Variants in PTPRD observed in about 807,000 individuals in gnomAD.
PTPRD encodes protein tyrosine phosphatase receptor type D.
Under a neutral mutation model 214.5 loss-of-function variants are expected in PTPRD, and 34 were observed. The observed-to-expected ratio is 0.16, with a 90% CI of 0.12 to 0.21. The LOEUF is 0.21. Among genes scored for constraint, PTPRD ranks in the 10% least tolerant of loss-of-function variants. The pLI, the probability that PTPRD is intolerant of heterozygous loss-of-function variation, is 1.00. For missense variants in PTPRD, 2,545 were observed against 2,398.7 expected (o/e 1.06, Z -1.27); for synonymous variants, 1,128 against 845.7 (o/e 1.33, Z -5.79).
intron 2 of PTPRD, among the ~76,000 whole-genome samples, chr9:10,566,679 T>C (rs1249148512): frequency 1.3e-5 from 2 of 152,048 alleles, no homozygotes; most frequent in African/African-American, 2.4e-5. Context: ...CAGAAGTTCT[T>C]AGTTTTAATG....
At chr9:10,301,934 C>G (rs555507726) in intron 3 of PTPRD, among the ~76,000 whole-genome samples, 43 of 152,126 alleles carry the variant, frequency 2.8e-4, no homozygotes, top group Non-Finnish European at 6.0e-4. Flanking sequence ...CACAAAGATA[C>G]TCCTTGAGAA....
rs553300556 is a variant in PTPRD, at chr9:9,208,984, G to A, written c.-202-25621C>T. On this transcript the variant is annotated intron_variant, in intron 9 of 45. Coordinates refer to ENST00000381196, the MANE Select transcript of PTPRD (RefSeq NM_002839.4). ...CAATATGCCTGGCTAATTTTTTTGT[G>A]CTTTTAGTAGAGACAGGGTTTCACC... 6.0e-3 allele frequency among the ~76,000 whole-genome samples: 906 copies of A among 151,700 alleles called. 7 individuals carry two copies. Among genetic ancestry groups the A allele is most frequent in the Middle Eastern group, 0.01 (3 of 294 alleles).
intron 39 of PTPRD, among the ~76,000 whole-genome samples, chr9:8,351,985 G>A (rs1459529508): frequency 1.3e-5 from 2 of 151,542 alleles, no homozygotes; most frequent in Admixed American, 6.6e-5. Flanking sequence ...TATCCCTTTG[G>A]GTGTTTTATT....
At chr9:8,999,290 G>A (rs1165097401) in intron 11 of PTPRD, among the ~76,000 whole-genome samples, 2 of 151,980 alleles carry the variant, frequency 1.3e-5, no homozygotes, top group African/African-American at 2.4e-5. Flanking sequence ...CTTCACCGTT[G>A]TCTTGTTTTA....
intron 35 of PTPRD, among the ~76,000 whole-genome samples, chr9:8,426,017 T>C (rs75318741): frequency 0.012 from 1,817 of 152,272 alleles, 43 homozygotes; most frequent in African/African-American, 0.042. Context: ...ATTGCTTTCA[T>C]AGAGCTCCTT....
chr9:10,022,562 T>C (rs1192769349), intron 4 of PTPRD, among the ~76,000 whole-genome samples: 3 of 152,170 alleles, frequency 2.0e-5, no homozygotes, highest in African/African-American at 7.2e-5. Flanking sequence ...AGCAAGTAAC[T>C]GGAAAGAAAA....
At chr9:9,809,300 C>G (rs1388828330) in intron 5 of PTPRD, among the ~76,000 whole-genome samples, 1 of 142,372 alleles carries the variant, frequency 7.0e-6, no homozygotes, top group Non-Finnish European at 1.5e-5. Flanking sequence ...CGCAGTCTCA[C>G]TCTGTCTCCC....
intron 11 of PTPRD, among the ~76,000 whole-genome samples, chr9:8,963,235 G>T (rs1045439804): frequency 4.6e-5 from 7 of 152,092 alleles, no homozygotes; most frequent in African/African-American, 1.7e-4. Context: ...GAGAAGCAAG[G>T]AAATGATTAT....
intron 5 of PTPRD, among the ~76,000 whole-genome samples, chr9:9,856,257 G>A (rs1329802909): frequency 6.6e-6 from 1 of 152,118 alleles, no homozygotes; most frequent in African/African-American, 2.4e-5. Context: ...TGAGCTTAGG[G>A]TCTTTATAGG....
intron 2 of PTPRD, among the ~76,000 whole-genome samples, chr9:10,427,916 A>G (rs1266504452): frequency 1.3e-5 from 2 of 152,136 alleles, no homozygotes; most frequent in Non-Finnish European, 2.9e-5. Flanking sequence ...TAACTTAAGC[A>G]TATTCTTTCA....
At chr9:8,929,498 T>A (rs1390525222) in intron 11 of PTPRD, among the ~76,000 whole-genome samples, 3 of 151,948 alleles carry the variant, frequency 2.0e-5, no homozygotes, top group Non-Finnish European at 4.4e-5. Context: ...CATTTATTGA[T>A]TTGCGTATGT....
intron 9 of PTPRD, among the ~76,000 whole-genome samples, chr9:9,299,305 C>G (rs931517731): frequency 9.2e-5 from 14 of 151,566 alleles, no homozygotes; most frequent in Non-Finnish European, 1.9e-4. Context: ...GATTTTGCCC[C>G]CCAGAGGACA....
chr9:9,277,204 T>G (rs1216149559), intron 9 of PTPRD, among the ~76,000 whole-genome samples: 2 of 151,468 alleles, frequency 1.3e-5, no homozygotes, highest in African/African-American at 4.8e-5. Flanking sequence ...TTAAATTTAA[T>G]TGAACAAATA....
chr9:9,329,526 CTCTG>C (rs1220519753), intron 9 of PTPRD, among the ~76,000 whole-genome samples: 1 of 152,134 alleles, frequency 6.6e-6, no homozygotes, highest in Admixed American at 6.6e-5. Flanking sequence ...TATTGCTATT[CTCTG>C]TCTGGATATA....
chr9:10,418,056 C>T (rs1176557717), intron 2 of PTPRD, among the ~76,000 whole-genome samples: 3 of 151,416 alleles, frequency 2.0e-5, no homozygotes, highest in East Asian at 2.0e-4. Flanking sequence ...GAAAGACAAA[C>T]GATTAAGTAA....
intron 10 of PTPRD, among the ~76,000 whole-genome samples, chr9:9,143,184 T>C (rs936152983): frequency 2.0e-5 from 3 of 152,234 alleles, no homozygotes; most frequent in Non-Finnish European, 4.4e-5. Context: ...TTTGTTCATC[T>C]CTGAGACCCT....
chr9:9,146,469 C>T (rs1448499399), intron 10 of PTPRD, among the ~76,000 whole-genome samples: 5 of 152,014 alleles, frequency 3.3e-5, no homozygotes, highest in Non-Finnish European at 5.9e-5. Context: ...CCAGGTTATT[C>T]TTATGTACAC....
At chr9:8,555,929 T>C (rs2083601946) in intron 14 of PTPRD, among the ~76,000 whole-genome samples, 1 of 152,084 alleles carries the variant, frequency 6.6e-6, no homozygotes, top group Non-Finnish European at 1.5e-5. Flanking sequence ...AGTACAGAAA[T>C]GGGTCAGAGC....
chr9:8,990,337 A>G (rs2099361475), intron 11 of PTPRD, among the ~76,000 whole-genome samples: 2 of 152,196 alleles, frequency 1.3e-5, no homozygotes, highest in Admixed American at 1.3e-4. Flanking sequence ...CCATTTGGTG[A>G]AAAAGTTCAT....
Sources: gnomAD v4.1 joint callset for allele counts (sites outside exome capture counted in the v4.1 genomes callset) on GRCh38, gnomAD v4.1.1 for gene constraint, MANE v1.5 for transcripts, NCBI Gene and HGNC (gene_info 2026-07-23, HGNC 2026-07-21) for gene names.